SLC15A5: variants seen among roughly 807,000 people sequenced by gnomAD.
SLC15A5 encodes the protein Peptide/histidine transporter ENSP00000340402.
SLC15A5 carries 58 observed loss-of-function variants against 56.1 expected under a neutral mutation model. That is an observed-to-expected ratio of 1.03 (90% confidence interval 0.84 to 1.29). SLC15A5 has a LOEUF of 1.29. Ranked by LOEUF, SLC15A5 falls within the 50% of genes most tolerant of loss-of-function variation. SLC15A5 has a pLI of 0.00. For missense variants in SLC15A5, 681 were observed against 672.1 expected (o/e 1.01, Z -0.15); for synonymous variants, 264 against 250.5 (o/e 1.05, Z -0.51).
chr12:16,265,353 C>G (rs1369385857), intron 2 of SLC15A5, among the ~76,000 whole-genome samples: 1 of 152,174 alleles, frequency 6.6e-6, no homozygotes, highest in African/African-American at 2.4e-5. Context: ...AGAAACAGAC[C>G]TACTCATGTT....
intron 4 of SLC15A5, among the ~76,000 whole-genome samples, chr12:16,241,065 A>G (rs10846314): frequency 0.46 from 69,966 of 151,970 alleles, 16,335 homozygotes; most frequent in South Asian, 0.63. Flanking sequence ...TGCCTGCCTC[A>G]GCCTCTCAAA....
intron 3 of SLC15A5, among the ~76,000 whole-genome samples, chr12:16,255,780 T>A (rs1305068229): frequency 1.4e-5 from 2 of 148,126 alleles, no homozygotes; most frequent in African/African-American, 4.9e-5. Context: ...ATCCCTAAAC[T>A]ATACTAAGTA....
Position 16,277,414 on chromosome 12 carries a change from A to T in SLC15A5, c.272T>A (p.Ile91Lys). Reference sequence around the variant, plus strand: ...CCATCTGACAAACACAGGGGTAAGTATTGAAGTTCCAATAAAACACAAGTT... The same window carrying T: ...CCATCTGACAAACACAGGGGTAAGTTTTGAAGTTCCAATAAAACACAAGTT... ...ILNLCFIGTSILTPVFVRWLT... is the reference protein window; with the variant it reads ...ILNLCFIGTSKLTPVFVRWLT... Residue 91 changes from isoleucine (I) to lysine (K), a missense_variant, in exon 1 of 9, where the codon ATA becomes AAA. By Grantham distance (102) the Ile-to-Lys change is moderately radical. Coordinates refer to ENST00000344941, the MANE Select transcript of SLC15A5 (RefSeq NM_001170798.1). 2 of 1,536,568 alleles carry T rather than the reference A, an allele frequency of 1.3e-6. No individual in the cohort carries two copies. Among genetic ancestry groups the T allele is most frequent in the Non-Finnish European group, 1.7e-6 (2 of 1,146,434 alleles).
At chr12:16,231,299 T>A (rs1864295487) in intron 5 of SLC15A5, among the ~76,000 whole-genome samples, 2 of 152,176 alleles carry the variant, frequency 1.3e-5, no homozygotes, top group South Asian at 4.1e-4. Flanking sequence ...TTCTTTCTCA[T>A]TCTAGTTAAA....
Position 16,235,843 on chromosome 12 carries a change from A to G in SLC15A5, c.1162+3838T>C, listed in dbSNP as rs549313191. Among the ~76,000 whole-genome samples, 44 of 152,304 alleles carry G rather than the reference A, an allele frequency of 2.9e-4. No individual in the cohort carries two copies. Among genetic ancestry groups the G allele is most frequent in the African/African-American group, 1.0e-3 (42 of 41,588 alleles). Reference sequence around the variant, plus strand: ...CTTAGCAACCACTTTGGTTTCAACCACAAAAAGAACTTTATACAACTGCAA... The same window carrying G: ...CTTAGCAACCACTTTGGTTTCAACCGCAAAAAGAACTTTATACAACTGCAA... On this transcript the variant is annotated intron_variant, in intron 5 of 8. Transcript: ENST00000344941. The surrounding 1 kb of genome is among the most constrained non-coding windows in gnomAD (Gnocchi z 4.1).
chr12:16,273,056 A>C (rs1263850667), intron 1 of SLC15A5, among the ~76,000 whole-genome samples: 1 of 151,982 alleles, frequency 6.6e-6, no homozygotes, highest in African/African-American at 2.4e-5. Context: ...TGAGCAAATC[A>C]TGTTTATTTT....
chr12:16,247,153 C>T (rs1020164881), intron 3 of SLC15A5, among the ~76,000 whole-genome samples: 2 of 152,064 alleles, frequency 1.3e-5, no homozygotes, highest in Admixed American at 6.6e-5. Context: ...GCTCCATGAA[C>T]CATGCTTTAT....
rs375476573 is a variant in SLC15A5, at chr12:16,246,661, A to G, written c.755-1861T>C. ...GCAGGATGAAAGATTATTTCCAAAG[A>G]TATTTTCCCCAGTTTCCCCCCAATT... is the stretch of plus-strand genomic sequence containing the variant. On this transcript the variant is annotated intron_variant, in intron 3 of 8. Coordinates refer to ENST00000344941, the MANE Select transcript of SLC15A5 (RefSeq NM_001170798.1). Among the ~76,000 whole-genome samples the G allele has an allele frequency of 3.3e-5, 5 of 152,258 alleles. No individual in the cohort carries two copies. The East Asian group carries it at 7.7e-4, about 24-fold the overall frequency.
chr12:16,223,140 A>G (rs776988449), intron 6 of SLC15A5, among the ~76,000 whole-genome samples: 2 of 129,276 alleles, frequency 1.5e-5, no homozygotes, highest in Non-Finnish European at 3.3e-5. Context: ...ATAAATACAT[A>G]TTTATTAAAT....
chr12:16,211,309 T>C (rs1257497291), intron 7 of SLC15A5, among the ~76,000 whole-genome samples: 1 of 152,200 alleles, frequency 6.6e-6, no homozygotes, highest in African/African-American at 2.4e-5. Context: ...CGTGCCGACA[T>C]AACTGTCAGT....
At chr12:16,215,226 A>C (rs1010664331) in intron 7 of SLC15A5, among the ~76,000 whole-genome samples, 5 of 144,904 alleles carry the variant, frequency 3.5e-5, no homozygotes, top group South Asian at 2.3e-4. Flanking sequence ...AAAAAAAAAA[A>C]AAACCAAAGT....
At chr12:16,257,153 A>G (rs1432926563) in intron 3 of SLC15A5, among the ~76,000 whole-genome samples, 1 of 152,128 alleles carries the variant, frequency 6.6e-6, no homozygotes, top group Non-Finnish European at 1.5e-5. Context: ...GAGATTGATA[A>G]TGACATTGTG....
chr12:16,252,019 A>C (rs1864523909), intron 3 of SLC15A5, among the ~76,000 whole-genome samples: 1 of 151,432 alleles, frequency 6.6e-6, no homozygotes. Context: ...AATGTATTAC[A>C]TCAATGTATT....
intron 7 of SLC15A5, among the ~76,000 whole-genome samples, chr12:16,208,171 T>A (rs1424557014): frequency 1.1e-4 from 16 of 152,174 alleles, no homozygotes; most frequent in Admixed American, 1.0e-3. Context: ...CCTGTGCCTA[T>A]CTTCTCCTTT....
intron 7 of SLC15A5, among the ~76,000 whole-genome samples, chr12:16,200,238 G>T (rs986664799): frequency 3.3e-5 from 5 of 150,722 alleles, no homozygotes; most frequent in African/African-American, 1.2e-4. Context: ...ATAAGACAAA[G>T]ACAAAAAATA....
At chr12:16,223,694 T>C (rs973418898) in intron 6 of SLC15A5, among the ~76,000 whole-genome samples, 1 of 150,188 alleles carries the variant, frequency 6.7e-6, no homozygotes, top group African/African-American at 2.4e-5. Context: ...GAACATTAAG[T>C]GTCATTTTTG....
At chr12:16,257,051 T>C (rs992492529) in intron 3 of SLC15A5, among the ~76,000 whole-genome samples, 1 of 151,900 alleles carries the variant, frequency 6.6e-6, no homozygotes, top group Admixed American at 6.6e-5. Context: ...AAGGAAACAA[T>C]TGGAGATTTT....
intron 3 of SLC15A5, among the ~76,000 whole-genome samples, chr12:16,245,140 A>G (rs1864450313): frequency 6.6e-6 from 1 of 152,220 alleles, no homozygotes; most frequent in African/African-American, 2.4e-5. Flanking sequence ...TGAATACAAT[A>G]AACTGAACTT....
chr12:16,215,218 A>C lies in SLC15A5; in HGVS notation c.1483+1675T>G, dbSNP rs1244355785. On this transcript the variant is annotated intron_variant, in intron 7 of 8. Coordinates refer to ENST00000344941, the MANE Select transcript of SLC15A5 (RefSeq NM_001170798.1). ...ACTCTTTCTCAAAAAAAAAAAAAAAAAAAAAAAAAAACCAAAGTGAGGATA... is the reference window on the plus strand; with the variant it reads ...ACTCTTTCTCAAAAAAAAAAAAAAACAAAAAAAAAAACCAAAGTGAGGATA... Among the ~76,000 whole-genome samples the C allele has an allele frequency of 2.7e-4, 39 of 144,946 alleles. 2 individuals carry two copies. Among genetic ancestry groups the C allele is most frequent in the South Asian group, 4.7e-4 (2 of 4,298 alleles).
Sources: allele counts gnomAD v4.1 joint callset (sites outside exome capture counted in the v4.1 genomes callset), GRCh38; gene constraint gnomAD v4.1.1; non-coding constraint Gnocchi (gnomAD v3.1); transcripts MANE v1.5; gene names NCBI Gene and HGNC (gene_info 2026-07-23, HGNC 2026-07-21).